The following DYSF variants were observed in gnomAD, a reference collection of about 807,000 sequenced individuals.
DYSF encodes dysferlin, also known as dystrophy-associated fer-1-like 1.
DYSF carries 212 observed loss-of-function variants against 274.9 expected under a neutral mutation model. The observed-to-expected ratio is 0.77, with a 90% CI of 0.69 to 0.86. DYSF has a LOEUF of 0.86. Among genes scored for constraint, DYSF ranks in the 40% least tolerant of loss-of-function variants. The pLI is 0.00. For missense variants in DYSF, 2,666 were observed against 2,783.2 expected (o/e 0.96, Z 0.95); for synonymous variants, 1,091 against 1,078.7 (o/e 1.01, Z -0.22).
intron 51 of DYSF, among the ~76,000 whole-genome samples, chr2:71,672,432 A>T (rs370095368): frequency 9.9e-5 from 15 of 152,062 alleles, no homozygotes; most frequent in Admixed American, 9.8e-4. Context: ...CCCTCCAGGG[A>T]CCCCATTAAC....
intron 22 of DYSF, 105 bp downstream of exon 22, chr2:71,556,176 C>A: frequency 1.1e-6 from 1 of 942,044 alleles, no homozygotes; most frequent in Non-Finnish European, 1.7e-6. Flanking sequence ...CGTCTCCCAG[C>A]CACGCTTGGC....
chr2:71,604,099 C>A (rs1213190436), intron 36 of DYSF, among the ~76,000 whole-genome samples: 7 of 151,904 alleles, frequency 4.6e-5, no homozygotes, highest in Admixed American at 4.6e-4. Context: ...CAGGGCTGGG[C>A]CAGGCCAGCA....
In DYSF at chr2:71,570,681, A is replaced by G. The variant is rs763654971; in HGVS notation, c.3168A>G (p.Arg1056=). The G allele has an allele frequency of 6.2e-7, 1 of 1,614,058 alleles. No individual in the cohort carries two copies. The highest frequency in any genetic ancestry group is 8.5e-7 in the Non-Finnish European group (1 of 1,179,968). Residue 1056 remains arginine, a synonymous_variant, in exon 29 of 56, where the codon CGA becomes CGG. Coordinates refer to ENST00000410020, the MANE Select transcript of DYSF (RefSeq NM_001130987.2). ...CTGAGAAGATGTACTACACACACCGACGGCGGCGCTGGGTGCGCCTGCGCA... is the reference window on the plus strand; with the variant it reads ...CTGAGAAGATGTACTACACACACCGGCGGCGGCGCTGGGTGCGCCTGCGCA... ...VPAEKMYYTH[R]RRRWVRLRRR... is the part of the protein sequence containing the mutation.
rs751082297 is a variant in DYSF at position 71,611,556 on chromosome 2, T to C, written c.4151T>C (p.Val1384Ala). ...GTGGTAGAGTGTGGGGGCCAGACGG[T>C]GCAGTCCTGTGTCATCAGGAACCTC... ...SLVVECGGQT[V>A]QSCVIRNLRK... The change falls in exon 38 of 56, where the codon GTG becomes GCG. Residue 1384 changes from valine (V) to alanine (A), a missense_variant. Around this residue, in one of 3 missense-constraint regions of DYSF, gnomAD observed 1,460 missense variants for 1,502.1 expected, o/e 0.97. Coordinates refer to ENST00000410020, the MANE Select transcript of DYSF (RefSeq NM_001130987.2). 4.3e-6 allele frequency: 7 copies of C among 1,613,760 alleles called. No individual in the cohort carries two copies. The highest frequency in any genetic ancestry group is 4.0e-5 in the African/African-American group (3 of 74,822).
chr2:71,507,558 A>T lies in DYSF; in HGVS notation c.345+4239A>T, dbSNP rs149311840. On this transcript the variant is annotated intron_variant, in intron 4 of 55. Transcript: ENST00000410020. Reference sequence around the variant, plus strand: ...GCCTTATTTATGGAAGCGTCCCCAGAATCTTGAACAGTGTGTTTGGCCCTG... The same window carrying T: ...GCCTTATTTATGGAAGCGTCCCCAGTATCTTGAACAGTGTGTTTGGCCCTG... Among the ~76,000 whole-genome samples the T allele has an allele frequency of 4.9e-4, 75 of 152,276 alleles. No individual in the cohort carries two copies. The East Asian group carries it at 0.014, about 28-fold the overall frequency.
At chr2:71,683,315 C>T (rs907146409) in intron 55 of DYSF, among the ~76,000 whole-genome samples, 5 of 152,090 alleles carry the variant, frequency 3.3e-5, no homozygotes, top group Non-Finnish European at 7.4e-5. Context: ...GGGGCCATAC[C>T]AGAGGTGGCT....
At chr2:71,486,199 G>A (rs956102774) in intron 3 of DYSF, among the ~76,000 whole-genome samples, 15 of 152,020 alleles carry the variant, frequency 9.9e-5, no homozygotes, top group Admixed American at 5.2e-4. Flanking sequence ...CTCCCCCGCT[G>A]TCCAACCTCA....
At chr2:71,478,501 G>A (rs1013387399) in intron 1 of DYSF, among the ~76,000 whole-genome samples, 23 of 152,172 alleles carry the variant, frequency 1.5e-4, no homozygotes, top group Non-Finnish European at 2.6e-4. Context: ...GTGAGCCACC[G>A]CGCCCGGCCC....
intron 1 of DYSF, among the ~76,000 whole-genome samples, chr2:71,478,680 C>T (rs1160425483): frequency 6.6e-6 from 1 of 152,092 alleles, no homozygotes; most frequent in East Asian, 1.9e-4. Context: ...GGGAGCTCCC[C>T]CCTCTCCCTG....
intron 40 of DYSF, among the ~76,000 whole-genome samples, chr2:71,618,685 G>A (rs1356579721): frequency 1.7e-4 from 24 of 144,332 alleles, no homozygotes; most frequent in Admixed American, 1.6e-3. Flanking sequence ...AGAGGGATGT[G>A]AGTGTGTGTG....
intron 14 of DYSF, among the ~76,000 whole-genome samples, chr2:71,528,983 C>A (rs1005453426): frequency 1.7e-4 from 26 of 152,088 alleles, no homozygotes; most frequent in African/African-American, 6.3e-4. Flanking sequence ...GCAGCCCCAG[C>A]CCTCCCAGGC....
Position 71,493,087 on chromosome 2 carries a change from C to T in DYSF, c.240-10127C>T, listed in dbSNP as rs141251893. 1.9e-3 allele frequency among the ~76,000 whole-genome samples: 295 copies of T among 152,096 alleles called. 5 individuals are homozygous for T. The East Asian group carries it at 0.048, about 25-fold the overall frequency. On this transcript the variant is annotated intron_variant, in intron 3 of 55. Coordinates refer to ENST00000410020, the MANE Select transcript of DYSF (RefSeq NM_001130987.2). ...TTTTTTTTGTAGAGACAGGGTCTCA[C>T]TATGTTGTCCAGGCTGGTCTTGAAC... is the stretch of plus-strand genomic sequence containing the variant.
chr2:71,656,106 G>A, intron 42 of DYSF, 56 bp from the exon 43 acceptor site: 2 of 1,607,552 alleles, frequency 1.2e-6, no homozygotes, highest in Admixed American at 1.7e-5. Context: ...TTCCTTTGCT[G>A]TTGTTCTACT....
At chr2:71,504,856 G>A (rs1270239744) in intron 4 of DYSF, among the ~76,000 whole-genome samples, 1 of 152,146 alleles carries the variant, frequency 6.6e-6, no homozygotes, top group Admixed American at 6.5e-5. Flanking sequence ...ACCTCCCTTC[G>A]CCTCCTCCTG....
At chr2:71,525,989 T>A (rs2087849157) in intron 12 of DYSF, among the ~76,000 whole-genome samples, 1 of 152,184 alleles carries the variant, frequency 6.6e-6, no homozygotes, top group Admixed American at 6.5e-5. Context: ...ACTGGAGATG[T>A]TCCTCGCACA....
chr2:71,478,514 G>A (rs2082601563), intron 1 of DYSF, among the ~76,000 whole-genome samples: 1 of 152,050 alleles, frequency 6.6e-6, no homozygotes, highest in African/African-American at 2.4e-5. Context: ...CCCGGCCCAG[G>A]CATCCTCAAT....
At chr2:71,553,731 G>C in intron 20 of DYSF, 76 bp from the exon 21 acceptor site, 1 of 1,128,134 alleles carries the variant, frequency 8.9e-7, no homozygotes, top group African/African-American at 1.6e-5. Context: ...GTGCCCAGGA[G>C]GCTGGCACTC....
chr2:71,541,388 T>A (rs771997736), intron 17 of DYSF, among the ~76,000 whole-genome samples: 1 of 152,206 alleles, frequency 6.6e-6, no homozygotes, highest in African/African-American at 2.4e-5. Flanking sequence ...TAGAAAAGCA[T>A]CCATTACGTT....
chr2:71,622,006 G>A (rs961244375), intron 41 of DYSF, among the ~76,000 whole-genome samples: 13 of 150,482 alleles, frequency 8.6e-5, no homozygotes, highest in Admixed American at 3.3e-4. Flanking sequence ...ATGAACATTC[G>A]TAAACTTTTA....
Sources: allele counts gnomAD v4.1 joint callset (sites outside exome capture counted in the v4.1 genomes callset), GRCh38; gene constraint gnomAD v4.1.1; regional missense constraint gnomAD v4.1.1; transcripts MANE v1.5; gene names NCBI Gene and HGNC (gene_info 2026-07-23, HGNC 2026-07-21).